The following SPEF2 variants were observed in gnomAD, a reference collection of about 807,000 sequenced individuals.
SPEF2 encodes the protein sperm flagellar and cilia associated 2, also known as sperm flagella and cilia-associated protein 2.
In SPEF2, 187 loss-of-function variants were observed where a neutral mutation model predicts 224.6. The observed-to-expected ratio is 0.83, with a 90% CI of 0.74 to 0.94. The LOEUF (loss-of-function observed/expected upper bound fraction) is 0.94, where lower values mean the gene tolerates loss of function less well. SPEF2 is among the 40% of genes least tolerant of loss of function. The pLI is 0.00. For missense variants in SPEF2, 2,170 were observed against 2,135.6 expected, an observed-to-expected ratio of 1.02 and a Z score of -0.32; for synonymous variants, 715 against 707.3, an observed-to-expected ratio of 1.01 and a Z score of -0.17.
chr5:35,767,931 T>C (rs1426545576), intron 26 of SPEF2, among the ~76,000 whole-genome samples: 1 of 152,060 alleles, frequency 6.6e-6, no homozygotes, highest in Non-Finnish European at 1.5e-5. Context: ...ACCAGTTAAC[T>C]GTCTCTTTCC....
chr5:35,682,919 A>G (rs2149511429), intron 10 of SPEF2, among the ~76,000 whole-genome samples: 1 of 152,202 alleles, frequency 6.6e-6, no homozygotes, highest in East Asian at 1.9e-4. Flanking sequence ...GGGCAACGTT[A>G]CAATCAAGAA....
At chr5:35,751,301 T>C (rs1275321879) in intron 23 of SPEF2, among the ~76,000 whole-genome samples, 1 of 141,734 alleles carries the variant, frequency 7.1e-6, no homozygotes, top group Non-Finnish European at 1.5e-5. Context: ...TACAATGGAC[T>C]TTGGGGACTT....
At chr5:35,641,808 C>A in intron 3 of SPEF2, 125 bp downstream of exon 3, 1 of 994,808 alleles carries the variant, frequency 1.0e-6, no homozygotes. Flanking sequence ...ATGTTACTGG[C>A]CATACTTGGG....
chr5:35,673,764 C>T (rs959395755), intron 10 of SPEF2, among the ~76,000 whole-genome samples: 2 of 152,132 alleles, frequency 1.3e-5, no homozygotes, highest in Non-Finnish European at 2.9e-5. Context: ...TTATAATGTA[C>T]ATTTTTATTA....
chr5:35,708,484 C>G (rs1406165675), intron 18 of SPEF2, among the ~76,000 whole-genome samples: 1 of 118,178 alleles, frequency 8.5e-6, no homozygotes, highest in Non-Finnish European at 1.8e-5. Context: ...CCCCTTATAC[C>G]TGCTCCGTAC....
intron 7 of SPEF2, 84 bp from the exon 8 acceptor site, chr5:35,658,935 T>A: frequency 9.6e-7 from 1 of 1,037,912 alleles, no homozygotes; most frequent in African/African-American, 1.6e-5. Flanking sequence ...ATTATGCCTT[T>A]TGTATATTGT....
intron 8 of SPEF2, among the ~76,000 whole-genome samples, chr5:35,661,776 A>G (rs147140466): frequency 1.9e-3 from 296 of 152,198 alleles, no homozygotes; most frequent in Non-Finnish European, 3.4e-3. Context: ...TTATGGCTGC[A>G]TATTATTCCA....
At chr5:35,788,957 T>C (rs1408067186) in intron 30 of SPEF2, 1 of 703,056 alleles carries the variant, frequency 1.4e-6, no homozygotes, top group Admixed American at 2.0e-5. Flanking sequence ...AGACAGGAAG[T>C]GGCTTCATGG....
At chr5:35,697,379 G>C (rs1755487482) in intron 14 of SPEF2, among the ~76,000 whole-genome samples, 1 of 152,164 alleles carries the variant, frequency 6.6e-6, no homozygotes, top group Non-Finnish European at 1.5e-5. Context: ...GCCCCTGTCT[G>C]CATGGCATGA....
rs200211206 is a variant in SPEF2, at chr5:35,670,053, C to T, written c.1356-6C>T. 63 of 1,577,170 alleles carry T rather than the reference C, an allele frequency of 4.0e-5. No individual in the cohort carries two copies. Among genetic ancestry groups the T allele is most frequent in the South Asian group, 1.2e-4 (10 of 82,692 alleles). On this transcript the variant is annotated splice_region_variant and splice_polypyrimidine_tract_variant and intron_variant, in intron 9 of 36. Transcript: ENST00000356031. The stretch of plus-strand genomic sequence containing the variant: ...GATTCATCTCTACCTTTTTTTTGTG[C>T]GATAGTCTGATTCCGTATAAGTTGA...
Position 35,753,701 on chromosome 5 carries a change from T to C in SPEF2, c.3408T>C (p.Asn1136=). 6.2e-7 allele frequency: 1 copy of C among 1,614,094 alleles called. No individual in the cohort carries two copies. Among genetic ancestry groups the C allele is most frequent in the Non-Finnish European group, 8.5e-7 (1 of 1,179,978 alleles). ...AGCAGGAGCGGCTTGACATCATTAA[T>C]GAGAGCTGGTTACAGGACACTCTTG... The part of the protein sequence containing the change: ...EAEQERLDII[N]ESWLQDTLGM... The change falls in exon 24 of 37, where the codon AAT becomes AAC. Residue 1136 remains asparagine (N), a synonymous_variant. Coordinates refer to ENST00000356031, the MANE Select transcript of SPEF2 (RefSeq NM_024867.4).
intron 18 of SPEF2, among the ~76,000 whole-genome samples, chr5:35,708,108 A>G (rs1740182914): frequency 6.6e-6 from 1 of 152,106 alleles, no homozygotes; most frequent in Admixed American, 6.5e-5. Flanking sequence ...TATTATAATT[A>G]TTATCATTAG....
At chr5:35,792,529 C>A in intron 31 of SPEF2, 83 bp downstream of exon 31, 1 of 1,099,108 alleles carries the variant, frequency 9.1e-7, no homozygotes, top group Non-Finnish European at 1.3e-6. Flanking sequence ...ATAATGAGTA[C>A]TTGCATAGTG....
At chr5:35,785,728 CTT>C (rs200122881) in intron 30 of SPEF2, among the ~76,000 whole-genome samples, 2 of 141,466 alleles carry the variant, frequency 1.4e-5, no homozygotes, top group Admixed American at 7.1e-5. Flanking sequence ...CTTCTCTTTT[CTT>C]TTTTTTTTTT....
At chr5:35,625,854 G>A (rs1180006576) in intron 1 of SPEF2, among the ~76,000 whole-genome samples, 2 of 151,914 alleles carry the variant, frequency 1.3e-5, no homozygotes, top group Admixed American at 1.3e-4. Flanking sequence ...GGAGGAGGTG[G>A]CACACTTTTG....
chr5:35,789,078 A>G (rs770559769), intron 30 of SPEF2: 1 of 684,656 alleles, frequency 1.5e-6, no homozygotes, highest in African/African-American at 1.8e-5. Flanking sequence ...TCAGAATCAC[A>G]GAAAATACTT....
At chr5:35,802,918 G>A (rs774040889) in intron 34 of SPEF2, among the ~76,000 whole-genome samples, 1 of 152,176 alleles carries the variant, frequency 6.6e-6, no homozygotes, top group Non-Finnish European at 1.5e-5. Context: ...TCTCTGTGTT[G>A]AGGAGAGACT....
At chr5:35,700,857 C>A in intron 16 of SPEF2, 105 bp downstream of exon 16, 1 of 1,217,132 alleles carries the variant, frequency 8.2e-7, no homozygotes, top group Non-Finnish European at 1.1e-6. Flanking sequence ...CAAAATAATC[C>A]ACTTCAGCCT....
At position 35,788,928 on chromosome 5, in the gene SPEF2, T is replaced by A. The variant is rs1004224183; in HGVS notation, c.4448-3412T>A. 4.3e-6 allele frequency: 3 copies of A among 702,950 alleles called. No homozygotes were observed. In the African/African-American group the frequency reaches 5.2e-5, roughly 12 times the overall value. The allele number at this position is 702,950 out of a possible 1,614,324, so 43.5% of individuals were successfully genotyped here. On this transcript the variant is annotated intron_variant, in intron 30 of 36. Coordinates refer to ENST00000356031, the MANE Select transcript of SPEF2 (RefSeq NM_024867.4). ...TTCAAAGGCCTTCACCTTCGACCTG[T>A]GATGCCTTCTCAAATAGGAGACAGG...
Sources: gnomAD v4.1 joint callset for allele counts (sites outside exome capture counted in the v4.1 genomes callset) on GRCh38, gnomAD v4.1.1 for gene constraint, MANE v1.5 for transcripts, NCBI Gene and HGNC (gene_info 2026-07-23, HGNC 2026-07-21) for gene names.